Variants in ZDBF2 observed in about 807,000 individuals in gnomAD.
The protein encoded by ZDBF2 is zinc finger DBF-type containing 2.
Under a neutral mutation model 9.4 loss-of-function variants are expected in ZDBF2, and 6 were observed. The observed-to-expected ratio is 0.64, with a 90% CI of 0.35 to 1.27. The LOEUF (loss-of-function observed/expected upper bound fraction) is 1.27, where lower values mean the gene tolerates loss of function less well. Ranked by LOEUF, ZDBF2 falls within the 50% of genes most tolerant of loss-of-function variation. The pLI is 0.03. For synonymous variants in ZDBF2, 905 were observed against 946.3 expected, an observed-to-expected ratio of 0.96 and a Z score of 0.80; for missense variants, 2,697 against 2,766.8, an observed-to-expected ratio of 0.97 and a Z score of 0.57.
chr2:206,295,512 CA>C (rs1409313429), intron 3 of ZDBF2, among the ~76,000 whole-genome samples: 1 of 151,780 alleles, frequency 6.6e-6, no homozygotes, highest in Non-Finnish European at 1.5e-5. Flanking sequence ...TACAGGCGCG[CA>C]GCACCACCAT....
chr2:206,275,488 C>T lies in ZDBF2; in HGVS notation c.-103+542C>T, dbSNP rs1053224291. On this transcript the variant is annotated intron_variant, in intron 1 of 4. Transcript: ENST00000374423. ...GTGTTAATGATTCTTTTACTACCGC[C>T]GTGCAACAGTTGTGTAAATGTGGTC... 3.3e-5 allele frequency among the ~76,000 whole-genome samples: 5 copies of T among 152,254 alleles called. No homozygotes were observed. The South Asian group carries it at 1.0e-3, about 32-fold the overall frequency.
chr2:206,305,700 A>G lies in ZDBF2; in HGVS notation c.1172A>G (p.Glu391Gly). Residue 391 changes from glutamate to glycine, a missense_variant, in exon 5 of 5, where the codon GAG becomes GGG. Around this residue, in one of 3 missense-constraint regions of ZDBF2, gnomAD observed 910 missense variants for 973.6 expected, o/e 0.93. Transcript: ENST00000374423. ...TAQDLSLWKE[E>G]QIDQEDNYES... ...CAAGACTTAAGTCTTTGGAAGGAGGAGCAAATTGACCAAGAAGATAACTAT... is the reference window on the plus strand; with the variant it reads ...CAAGACTTAAGTCTTTGGAAGGAGGGGCAAATTGACCAAGAAGATAACTAT... 1 of 1,613,708 alleles carries G rather than the reference A, an allele frequency of 6.2e-7. No homozygotes were observed. Among genetic ancestry groups the G allele is most frequent in the Non-Finnish European group, 8.5e-7 (1 of 1,179,792 alleles).
intron 3 of ZDBF2, among the ~76,000 whole-genome samples, chr2:206,291,452 A>AT (rs1265068194): frequency 1.3e-5 from 2 of 152,164 alleles, no homozygotes; most frequent in East Asian, 3.8e-4. Flanking sequence ...CCACAGACCA[A>AT]TACCTAACAG....
Position 206,310,168 on chromosome 2 carries a change from C to G in ZDBF2, c.5640C>G (p.Asp1880Glu). Reference protein sequence around the residue: ...SKGKKKVTWADLQGKEDTAPT... With the variant: ...SKGKKKVTWAELQGKEDTAPT... ...GGAAAAAAAAGGTTACCTGGGCTGACTTGCAAGGTAAGGAGGACACTGCAC... is the reference window on the plus strand; with the variant it reads ...GGAAAAAAAAGGTTACCTGGGCTGAGTTGCAAGGTAAGGAGGACACTGCAC... Residue 1880 changes from aspartate (D) to glutamate (E), a missense_variant, in exon 5 of 5, where the codon GAC becomes GAG. Physicochemically the swap from Asp to Glu is conservative, Grantham distance 45. Around this residue, in one of 3 missense-constraint regions of ZDBF2, gnomAD observed 1,783 missense variants for 1,776.5 expected, o/e 1.00. Coordinates refer to ENST00000374423, the MANE Select transcript of ZDBF2 (RefSeq NM_020923.3). 1.9e-6 allele frequency: 3 copies of G among 1,613,774 alleles called. No homozygotes were observed. Among genetic ancestry groups the G allele is most frequent in the Non-Finnish European group, 2.5e-6 (3 of 1,179,828 alleles).
Position 206,310,940 on chromosome 2 carries a change from C to T in ZDBF2, c.6412C>T (p.Arg2138Cys), listed in dbSNP as rs148350329. The T allele has an allele frequency of 6.4e-5, 103 of 1,613,692 alleles. No individual in the cohort carries two copies. The East Asian group carries it at 1.8e-3, about 29-fold the overall frequency. ...GGAAGAATCAAAGGTTCTGCATGCT[C>T]GTGAGCTTCCAAAGAAAAGAAATTT... ...FLEESKVLHA[R>C]ELPKKRNFQL... The change falls in exon 5 of 5, where the codon CGT becomes TGT. Residue 2138 changes from arginine to cysteine, a missense_variant. By Grantham distance (180) the Arg-to-Cys change is radical. Coordinates refer to ENST00000374423, the MANE Select transcript of ZDBF2 (RefSeq NM_020923.3).
At position 206,309,993 on chromosome 2, in the gene ZDBF2, A is replaced by C; in HGVS notation, c.5465A>C (p.His1822Pro). The C allele has an allele frequency of 3.1e-6, 5 of 1,612,986 alleles. No homozygotes were observed. The highest frequency in any genetic ancestry group is 4.2e-6 in the Non-Finnish European group (5 of 1,179,646). The part of the protein sequence containing the change: ...PDEPVLEALP[H>P]VPPSFVGKTW... The stretch of plus-strand genomic sequence containing the variant: ...GAACCAGTTCTTGAAGCCTTGCCTC[A>C]TGTACCTCCTTCATTTGTGGGGAAA... The change falls in exon 5 of 5, where the codon CAT becomes CCT. Residue 1822 changes from histidine (H) to proline (P), a missense_variant. Around this residue, in one of 3 missense-constraint regions of ZDBF2, gnomAD observed 1,783 missense variants for 1,776.5 expected, o/e 1.00. Coordinates refer to ENST00000374423, the MANE Select transcript of ZDBF2 (RefSeq NM_020923.3).
chr2:206,292,780 T>A (rs1445376068), intron 3 of ZDBF2, among the ~76,000 whole-genome samples: 1 of 151,976 alleles, frequency 6.6e-6, no homozygotes, highest in Admixed American at 6.6e-5. Flanking sequence ...AACATCAAAA[T>A]CTAGGGAATA....
chr2:206,279,709 C>G (rs1401729714), intron 2 of ZDBF2, 117 bp downstream of exon 2: 1 of 152,074 alleles, frequency 6.6e-6, no homozygotes, highest in Non-Finnish European at 1.5e-5. Context: ...GAAATGATCC[C>G]TTTAATAAAT....
Position 206,313,694 on chromosome 2 carries a change from TC to T in ZDBF2, c.*2103del, listed in dbSNP as rs1693288137. ...GATTACATCATGCAGAGAGAACAGT[TC>T]CTGTAATTCAAGTAATTAAAATTTC... is the stretch of plus-strand genomic sequence containing the variant. On this transcript the variant is annotated 3_prime_UTR_variant, in exon 5 of 5. Coordinates refer to ENST00000374423, the MANE Select transcript of ZDBF2 (RefSeq NM_020923.3). The T allele has an allele frequency of 6.6e-6, 1 of 152,160 alleles. No homozygotes were observed. The highest frequency in any genetic ancestry group is 1.5e-5 in the Non-Finnish European group (1 of 67,994). 9.4% of individuals were successfully genotyped at this position (152,160 alleles called of 1,614,324 possible).
Position 206,308,645 on chromosome 2 carries a change from T to A in ZDBF2, c.4117T>A (p.Ser1373Thr). Residue 1373 changes from serine to threonine, a missense_variant, in exon 5 of 5, where the codon TCT (serine) becomes ACT (threonine). By Grantham distance (58) the Ser-to-Thr change is moderately conservative. Around this residue, in one of 3 missense-constraint regions of ZDBF2, gnomAD observed 1,783 missense variants for 1,776.5 expected, o/e 1.00. Coordinates refer to ENST00000374423, the MANE Select transcript of ZDBF2 (RefSeq NM_020923.3). ...TGAAGAAAGTTCTGATTCCAATGACTCTTTTCAGGCAGCAGCAGATGAGCT... is the reference window on the plus strand; with the variant it reads ...TGAAGAAAGTTCTGATTCCAATGACACTTTTCAGGCAGCAGCAGATGAGCT... ...SPEESSDSND[S>T]FQAAADELQK... The A allele has an allele frequency of 6.2e-7, 1 of 1,612,640 alleles. No individual in the cohort carries two copies. Among genetic ancestry groups the A allele is most frequent in the Non-Finnish European group, 8.5e-7 (1 of 1,179,824 alleles).
rs1693241747 is a variant in ZDBF2, at chr2:206,312,482, T to G, written c.*889T>G. The G allele has an allele frequency of 6.6e-6, 1 of 152,268 alleles. No individual in the cohort carries two copies. The highest frequency in any genetic ancestry group is 1.5e-5 in the Non-Finnish European group (1 of 68,092). The allele number at this position is 152,268 out of a possible 1,614,324, so 9.4% of individuals were successfully genotyped here. On this transcript the variant is annotated 3_prime_UTR_variant, in exon 5 of 5. Coordinates refer to ENST00000374423, the MANE Select transcript of ZDBF2 (RefSeq NM_020923.3). The stretch of plus-strand genomic sequence containing the variant: ...CAGGCTGGAGTGCAGTGGCCTGAAC[T>G]TAGCTCACCGCAACCTCCACCTCCC...
rs1692808729 is a variant in ZDBF2 at position 206,306,519 on chromosome 2, A to G, written c.1991A>G (p.His664Arg). Residue 664 changes from histidine to arginine, a missense_variant, in exon 5 of 5, where the codon CAT becomes CGT. By Grantham distance (29) the His-to-Arg change is conservative. Transcript: ENST00000374423. ...CTTATGGATATGAACTGTGAATCCC[A>G]TGGTCCTGAAATGGGTTTTCAGGCT... is the stretch of plus-strand genomic sequence containing the variant. ...ADLMDMNCESHGPEMGFQADA... is the reference protein window; with the variant it reads ...ADLMDMNCESRGPEMGFQADA... The G allele has an allele frequency of 2.5e-6, 4 of 1,613,798 alleles. No individual in the cohort carries two copies. Among genetic ancestry groups the G allele is most frequent in the East Asian group, 4.5e-5 (2 of 44,880 alleles).
At position 206,312,449 on chromosome 2, in the gene ZDBF2, G is replaced by A. The variant is rs1281127940; in HGVS notation, c.*856G>A. The A allele has an allele frequency of 4.6e-5, 7 of 152,010 alleles. No homozygotes were observed. Among genetic ancestry groups the A allele is most frequent in the African/African-American group, 1.2e-4 (5 of 41,374 alleles). 9.4% of individuals were successfully genotyped at this position (152,010 alleles called of 1,614,324 possible). Reference sequence around the variant, plus strand: ...TTATTTTTTGAGACAGAGTCTCACTGTCTTGCCCAGGCTGGAGTGCAGTGG... The same window carrying A: ...TTATTTTTTGAGACAGAGTCTCACTATCTTGCCCAGGCTGGAGTGCAGTGG... On this transcript the variant is annotated 3_prime_UTR_variant, in exon 5 of 5. Transcript: ENST00000374423.
chr2:206,282,301 G>C (rs937451987), intron 3 of ZDBF2, among the ~76,000 whole-genome samples: 2 of 152,152 alleles, frequency 1.3e-5, no homozygotes, highest in African/African-American at 2.4e-5. Flanking sequence ...TTTCTAGGTA[G>C]AGGGAAGAGA....
At chr2:206,293,245 T>C (rs1052097663) in intron 3 of ZDBF2, among the ~76,000 whole-genome samples, 1 of 152,118 alleles carries the variant, frequency 6.6e-6, no homozygotes, top group East Asian at 1.9e-4. Context: ...GTCAATTGAA[T>C]ATTCATATGG....
rs562841767 is a variant in ZDBF2, at chr2:206,290,291, C to T, written c.61-6955C>T. 2.4e-4 allele frequency among the ~76,000 whole-genome samples: 36 copies of T among 152,252 alleles called. 2 individuals are homozygous for T. The highest frequency in any genetic ancestry group is 6.5e-5 in the Admixed American group (1 of 15,290). The stretch of plus-strand genomic sequence containing the variant: ...AATTTGGAATCAGGACATTTGAGTC[C>T]TCCAACTTTGTTCCTCTTTTTCAAG... On this transcript the variant is annotated intron_variant, in intron 3 of 4. Coordinates refer to ENST00000374423, the MANE Select transcript of ZDBF2 (RefSeq NM_020923.3).
Position 206,305,679 on chromosome 2 carries a change from A to G in ZDBF2, c.1151A>G (p.Asp384Gly). The change falls in exon 5 of 5, where the codon GAC becomes GGC. Residue 384 changes from aspartate to glycine, a missense_variant. By Grantham distance (94) the Asp-to-Gly change is moderately conservative. Around this residue, in one of 3 missense-constraint regions of ZDBF2, gnomAD observed 910 missense variants for 973.6 expected, o/e 0.93. Coordinates refer to ENST00000374423, the MANE Select transcript of ZDBF2 (RefSeq NM_020923.3). ...GATCAGCCCCAAGAGACTGCACAAG[A>G]CTTAAGTCTTTGGAAGGAGGAGCAA... ...ASDQPQETAQ[D>G]LSLWKEEQID... 2 of 1,613,726 alleles carry G rather than the reference A, an allele frequency of 1.2e-6. No homozygotes were observed. The highest frequency in any genetic ancestry group is 1.7e-6 in the Non-Finnish European group (2 of 1,179,798).
At position 206,311,405 on chromosome 2, in the gene ZDBF2, C is replaced by A. The variant is rs749454955; in HGVS notation, c.6877C>A (p.Arg2293=). The A allele has an allele frequency of 1.9e-6, 3 of 1,607,840 alleles. No individual in the cohort carries two copies. The highest frequency in any genetic ancestry group is 2.2e-5 in the East Asian group (1 of 44,800). The change falls in exon 5 of 5, where the codon CGA becomes AGA. Residue 2293 remains arginine, a synonymous_variant. Coordinates refer to ENST00000374423, the MANE Select transcript of ZDBF2 (RefSeq NM_020923.3). The stretch of plus-strand genomic sequence containing the variant: ...CGCTATGGCAAATCCTCCTCCAAAG[C>A]GACCTGTGCGGGCTTCTTGCCGCGT... ...SSAMANPPPK[R]PVRASCRVAR... is the part of the protein sequence containing the mutation.
chr2:206,295,738 G>A (rs1175319052), intron 3 of ZDBF2, among the ~76,000 whole-genome samples: 1 of 151,916 alleles, frequency 6.6e-6, no homozygotes, highest in African/African-American at 2.4e-5. Context: ...TTCTTACTCA[G>A]TGAAAAGTCA....
Sources: gnomAD v4.1 joint callset for allele counts (sites outside exome capture counted in the v4.1 genomes callset) on GRCh38, gnomAD v4.1.1 for gene constraint, gnomAD v4.1.1 regional missense constraint, MANE v1.5 for transcripts, NCBI Gene and HGNC (gene_info 2026-07-23, HGNC 2026-07-21) for gene names.